The following CHD1 variants were observed in gnomAD, a reference collection of about 807,000 sequenced individuals.
CHD1 encodes ATP-dependent chromatin remodeler CHD1.
In CHD1, 36 loss-of-function variants were observed where a neutral mutation model predicts 224.2. That is an observed-to-expected ratio of 0.16 (90% confidence interval 0.12 to 0.21). The LOEUF is 0.21. CHD1 is among the 10% of genes least tolerant of loss of function. The pLI, the probability that CHD1 is intolerant of heterozygous loss-of-function variation, is 1.00. For synonymous variants in CHD1, 668 were observed against 658.3 expected, an observed-to-expected ratio of 1.01 and a Z score of -0.23; for missense variants, 1,378 against 1,994.8, an observed-to-expected ratio of 0.69 and a Z score of 5.89.
rs373010305 is a variant in CHD1 at position 98,894,146 on chromosome 5, T to C, written c.1800+451A>G. Among the ~76,000 whole-genome samples the C allele has an allele frequency of 3.9e-5, 6 of 152,362 alleles. No individual in the cohort carries two copies. In the South Asian group the frequency reaches 1.2e-3, roughly 32 times the overall value. ...AGACATTTTTGAGACTGATTTTCTT[T>C]TCCATAAAGTAGAGAAAGTGAATAT... is the stretch of plus-strand genomic sequence containing the variant. On this transcript the variant is annotated intron_variant, in intron 13 of 35. Coordinates refer to ENST00000614616, the MANE Select transcript of CHD1 (RefSeq NM_001270.4).
chr5:98,867,494 A>G (rs1456713579), intron 31 of CHD1, among the ~76,000 whole-genome samples: 11 of 151,756 alleles, frequency 7.2e-5, no homozygotes, highest in Non-Finnish European at 1.6e-4. Flanking sequence ...TAAAAAATAT[A>G]TTGGTCTGCA....
At position 98,921,960 on chromosome 5, in the gene CHD1, C is replaced by T. The variant is rs546378252; in HGVS notation, c.53+4374G>A. On this transcript the variant is annotated intron_variant, in intron 2 of 35. Transcript: ENST00000614616. ...AGGTCAGGAGTTCAAGACCACCAGCCTGGCCAACATGGTGAAATCCCATCT... is the reference window on the plus strand; with the variant it reads ...AGGTCAGGAGTTCAAGACCACCAGCTTGGCCAACATGGTGAAATCCCATCT... 1.1e-4 allele frequency among the ~76,000 whole-genome samples: 17 copies of T among 152,264 alleles called. No individual in the cohort carries two copies. In the South Asian group the frequency reaches 2.3e-3, roughly 20 times the overall value.
At chr5:98,918,620 T>C (rs1310953636) in intron 2 of CHD1, among the ~76,000 whole-genome samples, 1 of 150,930 alleles carries the variant, frequency 6.6e-6, no homozygotes, top group Non-Finnish European at 1.5e-5. Flanking sequence ...ATACAAAAAT[T>C]AGCTGGGCAT....
At chr5:98,904,141 T>A (rs539733373) in intron 3 of CHD1, among the ~76,000 whole-genome samples, 1 of 152,166 alleles carries the variant, frequency 6.6e-6, no homozygotes, top group Non-Finnish European at 1.5e-5. Context: ...TTAATCAATA[T>A]CCTCTTGATG....
At chr5:98,896,850 T>C (rs60421587) in intron 11 of CHD1, among the ~76,000 whole-genome samples, 25,750 of 145,804 alleles carry the variant, frequency 0.18, 2,279 homozygotes, top group Middle Eastern at 0.34. Flanking sequence ...GTGGGGGCCA[T>C]AGAAGATAGA....
At chr5:98,893,159 C>T (rs1393747791) in intron 14 of CHD1, among the ~76,000 whole-genome samples, 1 of 152,048 alleles carries the variant, frequency 6.6e-6, no homozygotes, top group Admixed American at 6.6e-5. Context: ...GTTAGTTTTT[C>T]AAACAAGGTA....
intron 12 of CHD1, 65 bp from the exon 13 acceptor site, chr5:98,894,751 T>C: frequency 1.5e-6 from 1 of 666,526 alleles, no homozygotes; most frequent in Non-Finnish European, 2.6e-6. Context: ...TTTACTTACA[T>C]ATCTAAAAAT....
At chr5:98,874,663 G>C (rs560095501) in intron 25 of CHD1, among the ~76,000 whole-genome samples, 2 of 149,356 alleles carry the variant, frequency 1.3e-5, no homozygotes, top group African/African-American at 4.9e-5. Flanking sequence ...AGTGAGCCAA[G>C]ATCGCGCCAC....
intron 2 of CHD1, among the ~76,000 whole-genome samples, chr5:98,921,022 T>C (rs534393385): frequency 6.6e-6 from 1 of 152,228 alleles, no homozygotes; most frequent in East Asian, 1.9e-4. Context: ...GAAATCCAAG[T>C]ATAGAGTTTA....
At chr5:98,886,545 C>T (rs1750661882) in intron 17 of CHD1, among the ~76,000 whole-genome samples, 1 of 152,086 alleles carries the variant, frequency 6.6e-6, no homozygotes, top group African/African-American at 2.4e-5. Context: ...TACTATGATC[C>T]ATGCATTTAA....
intron 17 of CHD1, among the ~76,000 whole-genome samples, chr5:98,886,778 A>G (rs1453894290): frequency 2.0e-5 from 3 of 152,198 alleles, no homozygotes; most frequent in African/African-American, 4.8e-5. Flanking sequence ...AATACATATT[A>G]GTACAAATTT....
chr5:98,876,156 A>G (rs962477707), intron 24 of CHD1, among the ~76,000 whole-genome samples: 1 of 149,558 alleles, frequency 6.7e-6, no homozygotes, highest in Non-Finnish European at 1.5e-5. Context: ...TCAAATTAAT[A>G]AAAAAAATTG....
intron 2 of CHD1, among the ~76,000 whole-genome samples, chr5:98,906,003 T>C (rs1752026479): frequency 6.6e-6 from 1 of 152,188 alleles, no homozygotes; most frequent in Admixed American, 6.5e-5. Context: ...AGTTTACAGA[T>C]ATACAAGAAA....
At chr5:98,902,005 G>T (rs1194779558) in intron 5 of CHD1, among the ~76,000 whole-genome samples, 1 of 152,036 alleles carries the variant, frequency 6.6e-6, no homozygotes, top group Non-Finnish European at 1.5e-5. Context: ...TTGTAACTAT[G>T]ATGAAGGCTA....
intron 31 of CHD1, among the ~76,000 whole-genome samples, chr5:98,867,120 A>G (rs148026262): frequency 1.9e-4 from 29 of 152,320 alleles, no homozygotes; most frequent in Non-Finnish European, 4.1e-4. Context: ...ATGTAATTAC[A>G]TAAGTATATA....
chr5:98,855,262 T>C lies in CHD1; in HGVS notation c.*1118A>G, dbSNP rs1034426621. The C allele has an allele frequency of 6.5e-5, 10 of 152,714 alleles. No individual in the cohort carries two copies. Among genetic ancestry groups the C allele is most frequent in the East Asian group, 1.9e-4 (1 of 5,186 alleles). 9.5% of individuals were successfully genotyped at this position (152,714 alleles called of 1,614,324 possible). The stretch of plus-strand genomic sequence containing the variant: ...CGTTTTTATATACAATCAGTGTGCA[T>C]TGTAACAGTTTATATTAAAAGTCAA... On this transcript the variant is annotated 3_prime_UTR_variant, in exon 36 of 36. Transcript: ENST00000614616.
chr5:98,887,905 C>T (rs535486404), intron 17 of CHD1, among the ~76,000 whole-genome samples, 183 bp downstream of exon 17: 2 of 151,954 alleles, frequency 1.3e-5, no homozygotes, highest in East Asian at 3.9e-4. Flanking sequence ...TGTTTTGTTG[C>T]AATATGTAAA....
At position 98,876,556 on chromosome 5, in the gene CHD1, A is replaced by G. The variant is rs778085531; in HGVS notation, c.3240T>C (p.Ile1080=). 6.2e-7 allele frequency: 1 copy of G among 1,612,698 alleles called. No homozygotes were observed. Among genetic ancestry groups the G allele is most frequent in the Non-Finnish European group, 8.5e-7 (1 of 1,179,014 alleles). ...LPRMRNCAKQ[I]SFNGSEGRRS... ...GCCTCCCTTCACTTCCATTGAAACT[A>G]ATCTGGAATTGGAAAATATTTACCC... The change falls in exon 24 of 36, where the codon ATT becomes ATC. Residue 1080 remains isoleucine (I), a splice_region_variant and synonymous_variant. Transcript: ENST00000614616.
intron 9 of CHD1, 52 bp downstream of exon 9, chr5:98,898,612 A>G: frequency 7.6e-7 from 1 of 1,311,286 alleles, no homozygotes; most frequent in Non-Finnish European, 1.1e-6. Context: ...GACTTTTTTC[A>G]GATTATTTCA....
Sources: gnomAD v4.1 joint callset for allele counts (sites outside exome capture counted in the v4.1 genomes callset) on GRCh38, gnomAD v4.1.1 for gene constraint, MANE v1.5 for transcripts, NCBI Gene and HGNC (gene_info 2026-07-23, HGNC 2026-07-21) for gene names.